The following COL23A1 variants were observed in gnomAD, a reference collection of about 807,000 sequenced individuals.
The protein encoded by COL23A1 is collagen type XXIII alpha 1 chain.
COL23A1 carries 97 observed loss-of-function variants against 99.3 expected under a neutral mutation model. The ratio of observed to expected loss-of-function variants is 0.98; its 90% confidence interval spans 0.83 to 1.16. COL23A1 has a LOEUF of 1.16. Among genes scored for constraint, COL23A1 ranks in the 50% most tolerant of loss-of-function variants. COL23A1 has a pLI of 0.00. For synonymous variants in COL23A1, 320 were observed against 308.2 expected, an observed-to-expected ratio of 1.04 and a Z score of -0.40; for missense variants, 762 against 757.4, an observed-to-expected ratio of 1.01 and a Z score of -0.07.
chr5:178,370,330 C>T (rs139196793), intron 2 of COL23A1, among the ~76,000 whole-genome samples: 1 of 152,244 alleles, frequency 6.6e-6, no homozygotes, highest in East Asian at 1.9e-4. Context: ...TACTATCCAG[C>T]CTTACAAAAG....
intron 16 of COL23A1, among the ~76,000 whole-genome samples, chr5:178,252,832 T>G (rs1402298654): frequency 6.6e-6 from 1 of 152,204 alleles, no homozygotes; most frequent in East Asian, 1.9e-4. Flanking sequence ...AAGACACCAG[T>G]GTCTGCTGCC....
rs62389374 is a variant in COL23A1, at chr5:178,347,806, G to A, written c.362-40887C>T. 4.6e-3 allele frequency among the ~76,000 whole-genome samples: 695 copies of A among 149,772 alleles called. 3 individuals are homozygous for A. Among genetic ancestry groups the A allele is most frequent in the Non-Finnish European group, 8.2e-3 (553 of 67,580 alleles). On this transcript the variant is annotated intron_variant, in intron 2 of 28. Coordinates refer to ENST00000390654, the MANE Select transcript of COL23A1 (RefSeq NM_173465.4). ...TGAGGCAGGAGAATCACTTGAACCC[G>A]GGAGGCGGAGCTTGCAGTGAGCCGA... is the stretch of plus-strand genomic sequence containing the variant.
intron 5 of COL23A1, among the ~76,000 whole-genome samples, chr5:178,276,961 G>C (rs1206155810): frequency 6.6e-6 from 1 of 152,220 alleles, no homozygotes. Flanking sequence ...CCCCTCATGT[G>C]CTCCTTGGCC....
chr5:178,402,017 T>C (rs1764475837), intron 2 of COL23A1, among the ~76,000 whole-genome samples: 1 of 152,158 alleles, frequency 6.6e-6, no homozygotes, highest in African/African-American at 2.4e-5. Flanking sequence ...GGTTTCATGA[T>C]GTTGGCCAGG....
At chr5:178,270,829 G>T (rs541811051) in intron 5 of COL23A1, among the ~76,000 whole-genome samples, 1 of 152,316 alleles carries the variant, frequency 6.6e-6, no homozygotes, top group African/African-American at 2.4e-5. Flanking sequence ...AAGCAGAGCT[G>T]AGAGACAGAG....
At chr5:178,529,812 G>T (rs145873028) in intron 2 of COL23A1, among the ~76,000 whole-genome samples, 105 of 152,266 alleles carry the variant, frequency 6.9e-4, no homozygotes, top group African/African-American at 2.5e-3. Context: ...ATGGTGCCAG[G>T]CACACAAGAA....
intron 2 of COL23A1, among the ~76,000 whole-genome samples, chr5:178,470,449 C>A (rs1406564989): frequency 6.6e-6 from 1 of 152,200 alleles, no homozygotes; most frequent in Non-Finnish European, 1.5e-5. Flanking sequence ...AAACCCAGGA[C>A]GTGAGGACTC....
chr5:178,504,067 T>C (rs941428363), intron 2 of COL23A1, among the ~76,000 whole-genome samples: 14 of 152,322 alleles, frequency 9.2e-5, no homozygotes, highest in African/African-American at 3.1e-4. Flanking sequence ...AGGAAAGACA[T>C]TCCTGGCTGT....
chr5:178,373,585 T>A (rs1216799698), intron 2 of COL23A1, among the ~76,000 whole-genome samples: 1 of 152,080 alleles, frequency 6.6e-6, no homozygotes, highest in Non-Finnish European at 1.5e-5. Context: ...CCAGCTACTT[T>A]TTTTATTTTT....
chr5:178,535,916 G>A (rs528375726), intron 2 of COL23A1, among the ~76,000 whole-genome samples: 6 of 152,252 alleles, frequency 3.9e-5, no homozygotes, highest in African/African-American at 1.2e-4. Context: ...AGGGGATTCC[G>A]GCCACCTTTT....
At chr5:178,582,653 C>T (rs1763724256) in intron 1 of COL23A1, among the ~76,000 whole-genome samples, 1 of 152,176 alleles carries the variant, frequency 6.6e-6, no homozygotes, top group Non-Finnish European at 1.5e-5. Flanking sequence ...TAGAGCCTTC[C>T]CCTCCAGCCC....
At chr5:178,585,958 T>C (rs1272682854) in intron 1 of COL23A1, among the ~76,000 whole-genome samples, 2 of 152,102 alleles carry the variant, frequency 1.3e-5, no homozygotes, top group African/African-American at 4.8e-5. Context: ...GGTGGGAAAG[T>C]TTTCCCCTGA....
chr5:178,292,408 T>G (rs939715886), intron 3 of COL23A1, among the ~76,000 whole-genome samples: 3 of 152,194 alleles, frequency 2.0e-5, no homozygotes, highest in African/African-American at 7.2e-5. Context: ...CTCTGAAACA[T>G]GCTCTAATTC....
intron 14 of COL23A1, among the ~76,000 whole-genome samples, 175 bp from the exon 15 acceptor site, chr5:178,256,572 G>A (rs1765312115): frequency 1.3e-5 from 2 of 152,236 alleles, no homozygotes; most frequent in South Asian, 4.1e-4. Context: ...AGGGGCCTGC[G>A]AGACCCTCCT....
At chr5:178,269,736 C>G (rs916914888) in intron 6 of COL23A1, among the ~76,000 whole-genome samples, 2 of 150,566 alleles carry the variant, frequency 1.3e-5, no homozygotes, top group Non-Finnish European at 3.0e-5. Context: ...CATCCACCCA[C>G]CTACCCATCC....
At chr5:178,357,940 ATGTGTG>A (rs1213947155) in intron 2 of COL23A1, among the ~76,000 whole-genome samples, 5 of 133,008 alleles carry the variant, frequency 3.8e-5, no homozygotes, top group Non-Finnish European at 7.9e-5. Flanking sequence ...ATGTGTATGT[ATGTGTG>A]TGTATGTATA....
chr5:178,352,108 T>C (rs919613074), intron 2 of COL23A1: 2 of 152,242 alleles, frequency 1.3e-5, no homozygotes, highest in Non-Finnish European at 2.9e-5. Flanking sequence ...CTAAGCTAGA[T>C]ACTTTCATCC....
Position 178,362,590 on chromosome 5 carries a change from T to TC in COL23A1, c.362-55672_362-55671insG, listed in dbSNP as rs112689733. 2.9e-3 allele frequency among the ~76,000 whole-genome samples: 438 copies of TC among 152,328 alleles called. 6 individuals are homozygous for TC. The highest frequency in any genetic ancestry group is 9.9e-3 in the African/African-American group (413 of 41,578). On this transcript the variant is annotated intron_variant, in intron 2 of 28. Transcript: ENST00000390654. ...TTGCCACCGGCAGGTGACTCTGGCC[T>TC]GGCTCACGGGCACACCCTCATTTTT...
intron 2 of COL23A1, among the ~76,000 whole-genome samples, chr5:178,358,017 T>TGC (rs535020241): frequency 0.012 from 832 of 67,748 alleles, 36 homozygotes; most frequent in South Asian, 0.047. Flanking sequence ...TGTGTGTGTA[T>TGC]GTGTGTGTAT....
Sources: allele counts gnomAD v4.1 joint callset (sites outside exome capture counted in the v4.1 genomes callset), GRCh38; gene constraint gnomAD v4.1.1; transcripts MANE v1.5; gene names NCBI Gene and HGNC (gene_info 2026-07-23, HGNC 2026-07-21).